LYRM4: variants seen among roughly 807,000 people sequenced by gnomAD.
LYRM4 encodes LYR motif-containing protein 4.
In LYRM4, 9 loss-of-function variants were observed where a neutral mutation model predicts 11.7. That is an observed-to-expected ratio of 0.77 (90% CI 0.46 to 1.34). The LOEUF (loss-of-function observed/expected upper bound fraction) is 1.34, where lower values mean the gene tolerates loss of function less well. LYRM4 is among the 40% of genes most tolerant of loss of function. LYRM4 has a pLI of 0.00. For synonymous variants in LYRM4, 42 were observed against 40.4 expected (o/e 1.04, Z -0.15); for missense variants, 133 against 112.5 (o/e 1.18, Z -0.82).
the LYRM4 span, chr6:5,066,338 A>G: frequency 1.4e-6 from 1 of 722,778 alleles, no homozygotes; most frequent in Non-Finnish European, 2.6e-6. Flanking sequence ...TTATATCTAG[A>G]AGTACAGGAA....
At chr6:5,113,740 T>C (rs1463064546) in intron 2 of LYRM4, among the ~76,000 whole-genome samples, 1 of 151,812 alleles carries the variant, frequency 6.6e-6, no homozygotes, top group Non-Finnish European at 1.5e-5. Flanking sequence ...TCTCTCTTTT[T>C]TTTTTTTTTA....
intron 2 of LYRM4, among the ~76,000 whole-genome samples, chr6:5,159,877 T>C (rs1758648053): frequency 6.6e-6 from 1 of 152,228 alleles, no homozygotes; most frequent in African/African-American, 2.4e-5. Flanking sequence ...TGGAATCTGC[T>C]TTATTTTCTC....
intron 2 of LYRM4, among the ~76,000 whole-genome samples, chr6:5,125,235 G>A (rs973245497): frequency 2.0e-5 from 3 of 152,198 alleles, no homozygotes; most frequent in Admixed American, 6.5e-5. Context: ...ACCTCCAGTG[G>A]TTTCTAGGAT....
chr6:5,045,095 T>C, the LYRM4 span, among the ~76,000 whole-genome samples: 1 of 152,210 alleles, frequency 6.6e-6, no homozygotes, highest in Non-Finnish European at 1.5e-5. Context: ...CCAATTGCTA[T>C]GTAACAAACC....
downstream of LYRM4, chr6:5,107,640 T>G (rs903843556): frequency 3.9e-5 from 6 of 152,158 alleles, no homozygotes; most frequent in African/African-American, 9.7e-5. Context: ...TTGCATATGC[T>G]CTAACACTGC....
chr6:5,085,217 C>T, the LYRM4 span: 2 of 447,314 alleles, frequency 4.5e-6, no homozygotes, highest in Non-Finnish European at 7.8e-6. Context: ...CCCGGCCCTC[C>T]CCCGTCGCGG....
rs541923973 is a variant in LYRM4 at position 5,125,718 on chromosome 6, G to C, written c.208-16227C>G. On this transcript the variant is annotated intron_variant, in intron 2 of 2. Transcript: ENST00000330636. ...GTACTCATATGAACTAGGAAACTGA[G>C]ATATCTGAGGGACTCAGCTCTTTTT... 2.0e-5 allele frequency among the ~76,000 whole-genome samples: 3 copies of C among 152,304 alleles called. No homozygotes were observed. In the East Asian group the frequency reaches 5.8e-4, roughly 29 times the overall value.
chr6:5,144,256 C>T (rs1435477106), intron 2 of LYRM4: 2 of 1,536,978 alleles, frequency 1.3e-6, no homozygotes, highest in East Asian at 4.9e-5. Context: ...GTGCCTTGCT[C>T]AGCTACCTGC....
intron 2 of LYRM4, among the ~76,000 whole-genome samples, chr6:5,110,617 A>G (rs991518729): frequency 3.3e-5 from 5 of 152,302 alleles, no homozygotes; most frequent in African/African-American, 1.2e-4. Flanking sequence ...AAGAAGAACG[A>G]GAAGTAGACA....
intron 2 of LYRM4, among the ~76,000 whole-genome samples, chr6:5,117,107 A>G (rs374212753): frequency 6.6e-6 from 1 of 152,318 alleles, no homozygotes; most frequent in East Asian, 1.9e-4. Flanking sequence ...TATGAAGAAA[A>G]TCTACCATTT....
the LYRM4 span, chr6:5,043,196 C>G: frequency 6.6e-6 from 1 of 152,264 alleles, no homozygotes; most frequent in East Asian, 1.9e-4. Flanking sequence ...AACTGCAGGA[C>G]TTGCCACCAT....
At chr6:5,136,248 A>G in intron 2 of LYRM4, 1 of 972,832 alleles carries the variant, frequency 1.0e-6, no homozygotes, top group Non-Finnish European at 1.2e-6. Context: ...TGGGGTATAT[A>G]CTGAGAAATG....
At chr6:5,205,891 C>T (rs1408217210) in intron 2 of LYRM4, among the ~76,000 whole-genome samples, 1 of 152,202 alleles carries the variant, frequency 6.6e-6, no homozygotes, top group Non-Finnish European at 1.5e-5. Context: ...CCAGAAATCA[C>T]CATGATCCAT....
chr6:5,096,781 T>C, the LYRM4 span, among the ~76,000 whole-genome samples: 2 of 152,214 alleles, frequency 1.3e-5, no homozygotes, highest in Admixed American at 6.5e-5. Flanking sequence ...AAGCAAGCCG[T>C]TGGTCTCAAC....
In LYRM4 at chr6:5,158,962, G is replaced by A. The variant is rs995497029; in HGVS notation, c.208-49471C>T. Among the ~76,000 whole-genome samples, 4 of 136,980 alleles carry A rather than the reference G, an allele frequency of 2.9e-5. No individual in the cohort carries two copies. In the South Asian group the frequency reaches 7.0e-4, roughly 24 times the overall value. 89.9% of individuals were successfully genotyped at this position (136,980 alleles called of 152,430 possible). A position where few individuals can be genotyped will look rare whatever the true frequency, so the allele number is the denominator to read the frequency against. ...GAAATGTGGGTGAGAAGGCAACCTT[G>A]GCCTCCTCATCATGCAGGCAGGTTC... On this transcript the variant is annotated intron_variant, in intron 2 of 2. Transcript: ENST00000330636.
intron 2 of LYRM4, among the ~76,000 whole-genome samples, chr6:5,131,478 T>C (rs960009042): frequency 6.6e-6 from 1 of 152,100 alleles, no homozygotes; most frequent in African/African-American, 2.4e-5. Context: ...GGCAGGAGGA[T>C]CACTTGAGGC....
the LYRM4 span, among the ~76,000 whole-genome samples, chr6:5,036,849 T>C: frequency 6.6e-6 from 1 of 152,200 alleles, no homozygotes; most frequent in Non-Finnish European, 1.5e-5. Context: ...GCTCAAGTTA[T>C]ACCACTGGGA....
intron 1 of LYRM4, among the ~76,000 whole-genome samples, chr6:5,255,780 C>G (rs150306418): frequency 1.3e-5 from 2 of 152,212 alleles, no homozygotes; most frequent in African/African-American, 4.8e-5. Flanking sequence ...GGGTTGTCCC[C>G]TGTGCATCCC....
At chr6:5,058,743 A>G in the LYRM4 span, among the ~76,000 whole-genome samples, 1 of 152,000 alleles carries the variant, frequency 6.6e-6, no homozygotes, top group Non-Finnish European at 1.5e-5. Flanking sequence ...ATTCGGTTTT[A>G]CAGCCCTGTG....
Sources: gnomAD v4.1 joint callset for allele counts (sites outside exome capture counted in the v4.1 genomes callset) on GRCh38, gnomAD v4.1.1 for gene constraint, MANE v1.5 for transcripts, NCBI Gene and HGNC (gene_info 2026-07-23, HGNC 2026-07-21) for gene names.